BCAS3: variants seen among roughly 807,000 people sequenced by gnomAD.
BCAS3 encodes the protein BCAS3 microtubule associated cell migration factor, also known as BCAS4/BCAS3 fusion.
A neutral mutation model predicts 116.1 loss-of-function variants in BCAS3; 53 were observed. The ratio of observed to expected loss-of-function variants is 0.46; its 90% CI spans 0.37 to 0.57. BCAS3 has a LOEUF of 0.57. BCAS3 is among the 20% of genes least tolerant of loss of function. BCAS3 has a pLI of 0.00. For missense variants in BCAS3, 917 were observed against 1,165.4 expected, an observed-to-expected ratio of 0.79 and a Z score of 3.10; for synonymous variants, 391 against 408.2, an observed-to-expected ratio of 0.96 and a Z score of 0.51.
At position 61,265,390 on chromosome 17, in the gene BCAS3, G is replaced by A. The variant is rs954596846; in HGVS notation, c.2426-102937G>A. On this transcript the variant is annotated intron_variant, in intron 22 of 23. Coordinates refer to ENST00000407086, the MANE Select transcript of BCAS3 (RefSeq NM_017679.5). The surrounding 1 kb of genome is among the most constrained non-coding windows in gnomAD (Gnocchi z 4.3). ...TTGCACTCCAGCCTGGGTAACAAGA[G>A]TGAAACTCTGTCTCAAGAAAAAAAA... Among the ~76,000 whole-genome samples the A allele has an allele frequency of 4.0e-5, 6 of 150,696 alleles. No individual in the cohort carries two copies. Among genetic ancestry groups the A allele is most frequent in the Non-Finnish European group, 3.0e-5 (2 of 67,780 alleles).
At chr17:60,889,424 A>G (rs1010305911) in intron 9 of BCAS3, among the ~76,000 whole-genome samples, 5 of 152,226 alleles carry the variant, frequency 3.3e-5, no homozygotes, top group Non-Finnish European at 7.3e-5. Context: ...GAATAACTGT[A>G]TAAAATGCCC....
rs542826579 is a variant in BCAS3, at chr17:60,710,685, C to G, written c.321+1360C>G. Among the ~76,000 whole-genome samples the G allele has an allele frequency of 1.8e-4, 27 of 152,188 alleles. 1 individual carries two copies. In the South Asian group the frequency reaches 5.6e-3, roughly 32 times the overall value. On this transcript the variant is annotated intron_variant, in intron 5 of 23. Transcript: ENST00000407086. ...TGACCTCGTGATCCGCCCGCCTTGG[C>G]CTCCCAAAGTGCTGGGATTACAGGT...
Position 61,121,378 on chromosome 17 carries a change from T to C in BCAS3, c.2425+36814T>C, listed in dbSNP as rs2075781741. On this transcript the variant is annotated intron_variant, in intron 22 of 23. Coordinates refer to ENST00000407086, the MANE Select transcript of BCAS3 (RefSeq NM_017679.5). The stretch of plus-strand genomic sequence containing the variant: ...TTATTTGATATATAGATAGTCATAA[T>C]TGTTAGAGTATCATCGTAGAATAAA... Among the ~76,000 whole-genome samples, 5 of 152,220 alleles carry C rather than the reference T, an allele frequency of 3.3e-5. No individual in the cohort carries two copies. The South Asian group carries it at 1.0e-3, about 31-fold the overall frequency.
intron 7 of BCAS3, among the ~76,000 whole-genome samples, chr17:60,844,605 G>T (rs2052323992): frequency 6.6e-6 from 1 of 152,142 alleles, no homozygotes; most frequent in Non-Finnish European, 1.5e-5. Context: ...CCTTGGTTCA[G>T]ATACCTTTGT....
chr17:60,733,855 T>A (rs1443431184), intron 5 of BCAS3, among the ~76,000 whole-genome samples: 1 of 152,008 alleles, frequency 6.6e-6, no homozygotes, highest in Non-Finnish European at 1.5e-5. Context: ...TCAAAAAAAA[T>A]CAGATTGTTT....
intron 22 of BCAS3, among the ~76,000 whole-genome samples, chr17:61,341,934 T>C (rs1419417828): frequency 6.6e-6 from 1 of 152,220 alleles, no homozygotes; most frequent in Non-Finnish European, 1.5e-5. Flanking sequence ...TTTCTAGATA[T>C]GATAGACAGA....
chr17:61,240,609 G>T (rs1243809664), intron 22 of BCAS3, among the ~76,000 whole-genome samples: 1 of 152,204 alleles, frequency 6.6e-6, no homozygotes, highest in Non-Finnish European at 1.5e-5. Context: ...AGCTGAGATT[G>T]TGCCACTGCA....
intron 12 of BCAS3, among the ~76,000 whole-genome samples, chr17:60,911,288 A>C (rs544865860): frequency 1.3e-5 from 2 of 151,104 alleles, no homozygotes; most frequent in African/African-American, 4.9e-5. Flanking sequence ...ACACCCAGCT[A>C]ATTTTTGTAT....
At chr17:61,055,974 G>A (rs1218449802) in intron 19 of BCAS3, among the ~76,000 whole-genome samples, 2 of 152,164 alleles carry the variant, frequency 1.3e-5, no homozygotes, top group Non-Finnish European at 1.5e-5. Context: ...GATGGCTCTG[G>A]AGGTTATCTG....
intron 7 of BCAS3, among the ~76,000 whole-genome samples, chr17:60,826,014 T>C (rs1031103167): frequency 2.0e-5 from 3 of 151,770 alleles, no homozygotes; most frequent in Admixed American, 2.0e-4. Context: ...CCCGCCACCA[T>C]GCCTGGCTAA....
At chr17:61,172,451 G>A (rs1440516521) in intron 22 of BCAS3, among the ~76,000 whole-genome samples, 2 of 151,336 alleles carry the variant, frequency 1.3e-5, no homozygotes. Context: ...GGCTAACACG[G>A]TGAAACCCCG....
At chr17:60,854,650 A>G (rs960110139) in intron 7 of BCAS3, among the ~76,000 whole-genome samples, 1 of 152,228 alleles carries the variant, frequency 6.6e-6, no homozygotes, top group Admixed American at 6.5e-5. Flanking sequence ...ATGAGATACT[A>G]TCTCACACCA....
chr17:61,211,136 T>G lies in BCAS3; in HGVS notation c.2425+126572T>G, dbSNP rs2081435827. Among the ~76,000 whole-genome samples the G allele has an allele frequency of 6.6e-6, 1 of 152,112 alleles. No homozygotes were observed. The highest frequency in any genetic ancestry group is 2.1e-4 in the South Asian group (1 of 4,830). On this transcript the variant is annotated intron_variant, in intron 22 of 23. Coordinates refer to ENST00000407086, the MANE Select transcript of BCAS3 (RefSeq NM_017679.5). The surrounding 1 kb of genome is among the most constrained non-coding windows in gnomAD (Gnocchi z 4.4). ...CAGATAGTAATGTTTGGAGGCATGC[T>G]CAGTTATTCAGAAGAAATGGAATGA...
intron 14 of BCAS3, among the ~76,000 whole-genome samples, chr17:60,959,609 C>A (rs900493243): frequency 6.6e-6 from 1 of 152,076 alleles, no homozygotes; most frequent in Non-Finnish European, 1.5e-5. Flanking sequence ...TATGTACTTA[C>A]CATAGAACCC....
chr17:61,052,785 C>T (rs572200994), intron 19 of BCAS3, among the ~76,000 whole-genome samples: 2 of 145,492 alleles, frequency 1.4e-5, no homozygotes, highest in South Asian at 4.4e-4. Flanking sequence ...GTGGCACGCT[C>T]TTGGCTCACT....
At chr17:61,005,144 G>A (rs1315467328) in intron 15 of BCAS3, among the ~76,000 whole-genome samples, 1 of 152,104 alleles carries the variant, frequency 6.6e-6, no homozygotes, top group African/African-American at 2.4e-5. Context: ...CCTCTTTGTG[G>A]TTCTTACTGT....
At chr17:60,859,001 AT>A (rs1217464447) in intron 7 of BCAS3, among the ~76,000 whole-genome samples, 2 of 152,054 alleles carry the variant, frequency 1.3e-5, no homozygotes, top group Non-Finnish European at 2.9e-5. Flanking sequence ...GAACACCTTT[AT>A]TTTTTATTTT....
Position 61,105,633 on chromosome 17 carries a change from G to A in BCAS3, c.2425+21069G>A, listed in dbSNP as rs570380355. On this transcript the variant is annotated intron_variant, in intron 22 of 23. Transcript: ENST00000407086. The surrounding 1 kb of genome is among the most constrained non-coding windows in gnomAD (Gnocchi z 4.3). ...GTATAGATGGGGTTTCTCCATGTTG[G>A]TCAGGCTGGTCTCGAACTCCCCACC... Among the ~76,000 whole-genome samples, 4 of 152,030 alleles carry A rather than the reference G, an allele frequency of 2.6e-5. No homozygotes were observed. Among genetic ancestry groups the A allele is most frequent in the Non-Finnish European group, 5.9e-5 (4 of 68,020 alleles).
intron 3 of BCAS3, among the ~76,000 whole-genome samples, chr17:60,686,284 A>G (rs1009839664): frequency 2.0e-5 from 3 of 152,300 alleles, no homozygotes; most frequent in East Asian, 1.9e-4. Context: ...ACATTAAAAA[A>G]TAATGTTTTC....
Sources: allele counts gnomAD v4.1 joint callset (sites outside exome capture counted in the v4.1 genomes callset), GRCh38; gene constraint gnomAD v4.1.1; non-coding constraint Gnocchi (gnomAD v3.1); transcripts MANE v1.5; gene names NCBI Gene and HGNC (gene_info 2026-07-23, HGNC 2026-07-21).